Variants in SHROOM3 observed in about 807,000 individuals in gnomAD.
The protein encoded by SHROOM3 is protein Shroom3.
Under a neutral mutation model 138.6 loss-of-function variants are expected in SHROOM3, and 47 were observed. The ratio of observed to expected loss-of-function variants is 0.34; its 90% CI spans 0.27 to 0.43. The LOEUF (loss-of-function observed/expected upper bound fraction) is 0.43. Among genes scored for constraint, SHROOM3 ranks in the 20% least tolerant of loss-of-function variants. SHROOM3 has a pLI of 1.00. For missense variants in SHROOM3, 2,491 were observed against 2,596.5 expected (o/e 0.96, Z 0.88); for synonymous variants, 1,062 against 1,063.3 (o/e 1.00, Z 0.02).
At chr4:76,624,016 A>C (rs1401615813) in intron 2 of SHROOM3, among the ~76,000 whole-genome samples, 1 of 152,188 alleles carries the variant, frequency 6.6e-6, no homozygotes, top group African/African-American at 2.4e-5. Flanking sequence ...ATTCTTGTAC[A>C]TGGATTTTAA....
intron 2 of SHROOM3, among the ~76,000 whole-genome samples, chr4:76,625,087 T>C (rs1190858811): frequency 6.6e-6 from 1 of 152,224 alleles, no homozygotes; most frequent in African/African-American, 2.4e-5. Flanking sequence ...GTTTATGCAG[T>C]ACTTTTGGGC....
intron 1 of SHROOM3, among the ~76,000 whole-genome samples, chr4:76,555,385 A>T (rs111499823): frequency 0.014 from 2,137 of 152,176 alleles, 39 homozygotes; most frequent in African/African-American, 0.049. Flanking sequence ...CTGATGTTTA[A>T]GGGCGCCCTC....
At chr4:76,761,897 T>G (rs1721998076) in intron 9 of SHROOM3, among the ~76,000 whole-genome samples, 1 of 152,142 alleles carries the variant, frequency 6.6e-6, no homozygotes, top group Admixed American at 6.5e-5. Context: ...ACGTGCTCAA[T>G]AAACATTTGT....
chr4:76,593,086 A>G (rs1045706589), intron 2 of SHROOM3, among the ~76,000 whole-genome samples: 1 of 152,218 alleles, frequency 6.6e-6, no homozygotes, highest in African/African-American at 2.4e-5. Context: ...TTCTCCAAGC[A>G]TATGAAGACC....
intron 2 of SHROOM3, among the ~76,000 whole-genome samples, chr4:76,585,550 T>C (rs923539971): frequency 6.6e-6 from 1 of 152,216 alleles, no homozygotes; most frequent in African/African-American, 2.4e-5. Flanking sequence ...CCTCAGATGA[T>C]AGATTTAAGT....
At chr4:76,750,014 A>C (rs1185469442) in intron 6 of SHROOM3, among the ~76,000 whole-genome samples, 2 of 152,082 alleles carry the variant, frequency 1.3e-5, no homozygotes, top group Non-Finnish European at 2.9e-5. Flanking sequence ...TTCTACATTC[A>C]CCTTCTTAAT....
At position 76,755,188 on chromosome 4, in the gene SHROOM3, C is replaced by G; in HGVS notation, c.4705C>G (p.Pro1569Ala). Residue 1569 changes from proline (P) to alanine (A), a missense_variant, in exon 7 of 11, where the codon CCC (proline) becomes GCC (alanine). Physicochemically the swap from Pro to Ala is conservative, Grantham distance 27. Transcript: ENST00000296043. ...LDSEDPEGPRPSFNKLSKVTI... is the reference protein window; with the variant it reads ...LDSEDPEGPRASFNKLSKVTI... Reference sequence around the variant, plus strand: ...CAGTGAGGATCCCGAGGGGCCACGCCCCAGGTGAGTGAGCAGACTGGGCAG... The same window carrying G: ...CAGTGAGGATCCCGAGGGGCCACGCGCCAGGTGAGTGAGCAGACTGGGCAG... 6.2e-7 allele frequency: 1 copy of G among 1,613,630 alleles called. No homozygotes were observed. Among genetic ancestry groups the G allele is most frequent in the Non-Finnish European group, 8.5e-7 (1 of 1,179,834 alleles).
At chr4:76,758,240 G>A (rs1332961806) in intron 8 of SHROOM3, 1 of 152,198 alleles carries the variant, frequency 6.6e-6, no homozygotes, top group Non-Finnish European at 1.5e-5. Flanking sequence ...GGTACTATGG[G>A]GACCCCAAAG....
chr4:76,518,876 A>G (rs1732503132), intron 1 of SHROOM3, among the ~76,000 whole-genome samples: 1 of 152,202 alleles, frequency 6.6e-6, no homozygotes, highest in African/African-American at 2.4e-5. Context: ...ACCAGTACAA[A>G]AAGCGCAAGG....
chr4:76,487,803 T>C (rs1731763086), intron 1 of SHROOM3, among the ~76,000 whole-genome samples: 1 of 152,350 alleles, frequency 6.6e-6, no homozygotes, highest in African/African-American at 2.4e-5. Flanking sequence ...TTTTCATTAG[T>C]CAACTCTCAA....
chr4:76,570,156 AAC>A (rs57079760), intron 2 of SHROOM3, among the ~76,000 whole-genome samples: 63,975 of 149,236 alleles, frequency 0.43, 13,632 homozygotes, highest in South Asian at 0.53. Flanking sequence ...GAAATGTTAA[AAC>A]ACACACACAC....
At chr4:76,451,204 C>G (rs1250373835) in intron 1 of SHROOM3, among the ~76,000 whole-genome samples, 3 of 152,172 alleles carry the variant, frequency 2.0e-5, no homozygotes, top group African/African-American at 7.2e-5. Context: ...CCTGCCTCAG[C>G]CTCCCAAAGT....
intron 1 of SHROOM3, among the ~76,000 whole-genome samples, chr4:76,450,619 A>G (rs1484134592): frequency 2.6e-5 from 4 of 152,240 alleles, no homozygotes; most frequent in African/African-American, 7.2e-5. Context: ...CACCAGACAC[A>G]AAGGAACATA....
intron 2 of SHROOM3, chr4:76,637,385 C>T (rs1986965): frequency 6.6e-6 from 1 of 151,884 alleles, no homozygotes; most frequent in Non-Finnish European, 1.5e-5. Flanking sequence ...TTGGCCTCAC[C>T]CTGGTAATAT....
At chr4:76,555,587 T>C (rs773892335) in intron 1 of SHROOM3, 22 bp from the exon 2 acceptor site, 1 of 1,612,182 alleles carries the variant, frequency 6.2e-7, no homozygotes, top group African/African-American at 1.3e-5. Context: ...CTCGTGGCTG[T>C]CGCATCTCTC....
intron 1 of SHROOM3, among the ~76,000 whole-genome samples, chr4:76,447,898 GT>G (rs1201797702): frequency 6.6e-6 from 1 of 152,132 alleles, no homozygotes; most frequent in Non-Finnish European, 1.5e-5. Flanking sequence ...AAGAAGGACA[GT>G]TGGTGTAGAC....
chr4:76,620,417 G>A (rs1340354238), intron 2 of SHROOM3, among the ~76,000 whole-genome samples: 2 of 152,194 alleles, frequency 1.3e-5, no homozygotes, highest in African/African-American at 4.8e-5. Context: ...CCCCAAGGGC[G>A]AGAGCAGAAG....
intron 2 of SHROOM3, chr4:76,689,790 G>C: frequency 1.0e-6 from 1 of 975,590 alleles, no homozygotes. Flanking sequence ...GCTCTGCGGC[G>C]ACTCTGGAAA....
chr4:76,555,511 G>A (rs1733465045), intron 1 of SHROOM3, 98 bp from the exon 2 acceptor site: 2 of 1,565,086 alleles, frequency 1.3e-6, no homozygotes, highest in South Asian at 2.3e-5. Context: ...CTGGTCCGTT[G>A]GGCTCTGCAG....
Sources: gnomAD v4.1 joint callset for allele counts (sites outside exome capture counted in the v4.1 genomes callset) on GRCh38, gnomAD v4.1.1 for gene constraint, MANE v1.5 for transcripts, NCBI Gene and HGNC (gene_info 2026-07-23, HGNC 2026-07-21) for gene names.